Variants in GULP1 observed in about 807,000 individuals in gnomAD.
GULP1 encodes GULP PTB domain containing engulfment adaptor 1, also known as PTB domain-containing engulfment adapter protein 1.
Under a neutral mutation model 40.9 loss-of-function variants are expected in GULP1, and 19 were observed. That is an observed-to-expected ratio of 0.46 (90% CI 0.32 to 0.68). The LOEUF (loss-of-function observed/expected upper bound fraction) is 0.68, where lower values mean the gene tolerates loss of function less well. GULP1 is among the 30% of genes least tolerant of loss of function. The pLI, the probability that GULP1 is intolerant of heterozygous loss-of-function variation, is 0.03. For missense variants in GULP1, 312 were observed against 362.2 expected, an observed-to-expected ratio of 0.86 and a Z score of 1.12; for synonymous variants, 119 against 117.6, an observed-to-expected ratio of 1.01 and a Z score of -0.08.
chr2:188,387,782 T>C (rs114019080), intron 2 of GULP1, among the ~76,000 whole-genome samples: 32 of 152,314 alleles, frequency 2.1e-4, no homozygotes, highest in African/African-American at 7.5e-4. Flanking sequence ...ATTTGGATTC[T>C]TATAACTAGG....
chr2:188,495,515 T>C (rs1487961323), intron 4 of GULP1, among the ~76,000 whole-genome samples: 1 of 152,008 alleles, frequency 6.6e-6, no homozygotes, highest in Admixed American at 6.6e-5. Context: ...TAATAGTGAT[T>C]AAGGGGTATT....
At chr2:188,400,141 C>A (rs2052008350) in intron 2 of GULP1, among the ~76,000 whole-genome samples, 1 of 151,942 alleles carries the variant, frequency 6.6e-6, no homozygotes, top group Non-Finnish European at 1.5e-5. Flanking sequence ...GAGGATCCTT[C>A]TTTTTTTTCC....
chr2:188,574,324 C>T (rs1699740641), intron 9 of GULP1, among the ~76,000 whole-genome samples: 1 of 152,086 alleles, frequency 6.6e-6, no homozygotes, highest in Non-Finnish European at 1.5e-5. Context: ...CAGAAACATT[C>T]TTGATAAAAT....
At chr2:188,332,995 G>A (rs917779306) in intron 1 of GULP1, among the ~76,000 whole-genome samples, 14 of 152,136 alleles carry the variant, frequency 9.2e-5, no homozygotes, top group African/African-American at 3.4e-4. Flanking sequence ...TGTAATCCCA[G>A]CAGTTTTGGG....
chr2:188,428,108 T>G (rs1239113424), intron 2 of GULP1, among the ~76,000 whole-genome samples: 1 of 152,212 alleles, frequency 6.6e-6, no homozygotes, highest in Admixed American at 6.5e-5. Flanking sequence ...GGTTTCAGAC[T>G]TGTGTGAGGC....
intron 1 of GULP1, among the ~76,000 whole-genome samples, chr2:188,366,704 C>G (rs931243122): frequency 6.6e-6 from 1 of 150,792 alleles, no homozygotes; most frequent in Non-Finnish European, 1.5e-5. Flanking sequence ...TGCCATTCTC[C>G]TGCCTCAGCC....
rs529008900 is a variant in GULP1, at chr2:188,566,197, C to G, written c.400-3042C>G. Among the ~76,000 whole-genome samples the G allele has an allele frequency of 7.2e-5, 11 of 152,150 alleles. No homozygotes were observed. In the East Asian group the frequency reaches 2.1e-3, roughly 29 times the overall value. On this transcript the variant is annotated intron_variant, in intron 7 of 11. Coordinates refer to ENST00000409830, the MANE Select transcript of GULP1 (RefSeq NM_016315.4). The stretch of plus-strand genomic sequence containing the variant: ...ATGTGATGGTTGGAGAGTCAGAAAT[C>G]TGGATTTAAATTCAGTTTCTCCATT...
chr2:188,592,762 A>G (rs892943447), intron 11 of GULP1: 3 of 152,126 alleles, frequency 2.0e-5, no homozygotes, highest in Non-Finnish European at 1.5e-5. Flanking sequence ...CATTTACATA[A>G]TTATTCTAAA....
intron 1 of GULP1, among the ~76,000 whole-genome samples, chr2:188,368,939 G>GTGTATATATATA (rs1272494109): frequency 4.3e-4 from 37 of 86,060 alleles, no homozygotes; most frequent in African/African-American, 1.1e-3. Context: ...ATATATGTGT[G>GTGTATATATATA]TATATATATA....
In GULP1 at chr2:188,375,857, G is replaced by GT. The variant is rs1473044676; in HGVS notation, c.-171-7902dup. ...TGGTGCTGAAATCCATATTCGCAGG[G>GT]TTTTACAGATATGTTCACTCCCCTG... On this transcript the variant is annotated intron_variant, in intron 1 of 11. Coordinates refer to ENST00000409830, the MANE Select transcript of GULP1 (RefSeq NM_016315.4). 5.5e-4 allele frequency among the ~76,000 whole-genome samples: 84 copies of GT among 152,016 alleles called. 4 individuals are homozygous for GT. Among genetic ancestry groups the GT allele is most frequent in the Non-Finnish European group, 1.5e-5 (1 of 67,996 alleles).
In GULP1 at chr2:188,414,024, C is replaced by T. The variant is rs186403403; in HGVS notation, c.-45+30135C>T. On this transcript the variant is annotated intron_variant, in intron 2 of 11. Transcript: ENST00000409830. ...ACAAGGTCAGGAGTTTGAGACCAGCCGGACCAACATGGTGAAACCCCATCT... is the reference window on the plus strand; with the variant it reads ...ACAAGGTCAGGAGTTTGAGACCAGCTGGACCAACATGGTGAAACCCCATCT... 3.4e-4 allele frequency among the ~76,000 whole-genome samples: 52 copies of T among 151,904 alleles called. 1 individual carries two copies. Among genetic ancestry groups the T allele is most frequent in the East Asian group, 1.7e-3 (9 of 5,156 alleles).
chr2:188,580,336 G>T (rs1235619849), intron 9 of GULP1, among the ~76,000 whole-genome samples: 1 of 151,992 alleles, frequency 6.6e-6, no homozygotes, highest in Non-Finnish European at 1.5e-5. Flanking sequence ...GGCGGATCAC[G>T]AGGTCAGGAG....
intron 1 of GULP1, among the ~76,000 whole-genome samples, chr2:188,347,613 C>CT (rs2043859392): frequency 3.0e-5 from 3 of 100,396 alleles, no homozygotes; most frequent in Admixed American, 1.3e-4. Context: ...TATCTCAAAG[C>CT]ATTTTTTTTT....
chr2:188,379,219 A>G (rs1371799959), intron 1 of GULP1, among the ~76,000 whole-genome samples: 2 of 152,186 alleles, frequency 1.3e-5, no homozygotes, highest in East Asian at 3.9e-4. Flanking sequence ...TTGATTTTAA[A>G]TTGATAAATT....
At chr2:188,342,826 A>G (rs997984174) in intron 1 of GULP1, among the ~76,000 whole-genome samples, 1 of 152,152 alleles carries the variant, frequency 6.6e-6, no homozygotes, top group Non-Finnish European at 1.5e-5. Context: ...TATTCCCAGG[A>G]TATATACTAT....
At chr2:188,555,649 T>A (rs1315388155) in intron 7 of GULP1, among the ~76,000 whole-genome samples, 1 of 152,236 alleles carries the variant, frequency 6.6e-6, no homozygotes, top group Non-Finnish European at 1.5e-5. Context: ...TTCTTTATCT[T>A]TGACTTTAGA....
chr2:188,350,000 C>T (rs1017277686), intron 1 of GULP1, among the ~76,000 whole-genome samples: 33 of 152,134 alleles, frequency 2.2e-4, no homozygotes, highest in African/African-American at 7.7e-4. Flanking sequence ...GGCACCTTTG[C>T]AAAAAATCAA....
chr2:188,352,618 T>TCTCACACACACACACACA (rs578003996), intron 1 of GULP1, among the ~76,000 whole-genome samples: 120 of 134,486 alleles, frequency 8.9e-4, no homozygotes, highest in Middle Eastern at 3.7e-3. Context: ...TCTCTCTCTC[T>TCTCACACACACACACACA]CACACACACA....
intron 4 of GULP1, among the ~76,000 whole-genome samples, chr2:188,484,565 C>T (rs1248376245): frequency 6.6e-6 from 1 of 151,878 alleles, no homozygotes; most frequent in East Asian, 1.9e-4. Context: ...TATAAGAGAA[C>T]TTAAACGTTT....
Sources: allele counts gnomAD v4.1 joint callset (sites outside exome capture counted in the v4.1 genomes callset), GRCh38; gene constraint gnomAD v4.1.1; transcripts MANE v1.5; gene names NCBI Gene and HGNC (gene_info 2026-07-23, HGNC 2026-07-21).